Variants in ATP11A observed in about 807,000 individuals in gnomAD.
The protein encoded by ATP11A is phospholipid-transporting ATPase IH.
Under a neutral mutation model 154.4 loss-of-function variants are expected in ATP11A, and 81 were observed. The observed-to-expected ratio is 0.52, with a 90% confidence interval of 0.44 to 0.63. ATP11A has a LOEUF of 0.63. Among genes scored for constraint, ATP11A ranks in the 30% least tolerant of loss-of-function variants. The probability of loss-of-function intolerance (pLI) is 0.00; values close to 1 mark genes in which losing one functional copy is unlikely to be tolerated. For missense variants in ATP11A, 1,316 were observed against 1,474.3 expected (o/e 0.89, Z 1.76); for synonymous variants, 623 against 585.9 (o/e 1.06, Z -0.91).
chr13:112,774,377 G>A (rs1034356953), intron 1 of ATP11A, among the ~76,000 whole-genome samples: 2 of 152,072 alleles, frequency 1.3e-5, no homozygotes, highest in African/African-American at 4.8e-5. Flanking sequence ...TGTCTTCCTG[G>A]GTGACGCCCT....
chr13:112,776,122 G>A lies in ATP11A; in HGVS notation c.40-9013G>A, dbSNP rs368007638. Among the ~76,000 whole-genome samples the A allele has an allele frequency of 8.7e-4, 133 of 152,298 alleles. 1 individual carries two copies. The highest frequency in any genetic ancestry group is 2.9e-3 in the African/African-American group (120 of 41,556). ...GCTGCTGCTTGTTCCAGTGGCTGTC[G>A]TTTGTTTCCACGGGGATTCATGTTG... On this transcript the variant is annotated intron_variant, in intron 1 of 29. Coordinates refer to ENST00000375645, the MANE Select transcript of ATP11A (RefSeq NM_015205.3).
chr13:112,862,518 GTTC>G lies in ATP11A; in HGVS notation c.2940_2942del (p.Phe981del), dbSNP rs746580469. The G allele has an allele frequency of 3.1e-6, 5 of 1,614,208 alleles. No individual in the cohort carries two copies. The highest frequency in any genetic ancestry group is 2.2e-5 in the East Asian group (1 of 44,892). ...TCCTGGGACTGTTTGACGCACTGGT[GTTC>G]TTCTTTGGTGCTTATTTCGTGTTTG... is the stretch of plus-strand genomic sequence containing the variant. On this transcript the variant is annotated inframe_deletion, in exon 25 of 30. Coordinates refer to ENST00000375645, the MANE Select transcript of ATP11A (RefSeq NM_015205.3).
chr13:112,845,911 T>C (rs2079593375), intron 17 of ATP11A, among the ~76,000 whole-genome samples: 1 of 152,216 alleles, frequency 6.6e-6, no homozygotes, highest in Non-Finnish European at 1.5e-5. Flanking sequence ...TAGTTCTTTC[T>C]ACGGATGGAC....
intron 15 of ATP11A, among the ~76,000 whole-genome samples, chr13:112,835,800 G>A (rs1332346554): frequency 1.3e-5 from 2 of 152,260 alleles, no homozygotes; most frequent in African/African-American, 4.8e-5. Flanking sequence ...GGTAACGCCA[G>A]TTCATTGACA....
chr13:112,788,859 C>T (rs1425021079), intron 2 of ATP11A, among the ~76,000 whole-genome samples: 2 of 151,708 alleles, frequency 1.3e-5, no homozygotes, highest in Non-Finnish European at 2.9e-5. Flanking sequence ...ACTTAATTCA[C>T]ACCCGGCATC....
intron 29 of ATP11A, among the ~76,000 whole-genome samples, chr13:112,879,017 G>A (rs550367204): frequency 8.5e-5 from 13 of 152,270 alleles, no homozygotes; most frequent in African/African-American, 1.2e-4. Flanking sequence ...ATGTAGAGGC[G>A]TTCACACGCC....
chr13:112,758,166 A>G (rs1276176467), intron 1 of ATP11A, among the ~76,000 whole-genome samples: 1 of 152,044 alleles, frequency 6.6e-6, no homozygotes, highest in African/African-American at 2.4e-5. Context: ...GGTTCAAGCA[A>G]TTCTCCTGCC....
intron 25 of ATP11A, among the ~76,000 whole-genome samples, chr13:112,864,131 C>T (rs1279268167): frequency 1.0e-5 from 1 of 96,744 alleles, no homozygotes; most frequent in African/African-American, 3.7e-5. Context: ...CAGTGCAGCA[C>T]GTGCAGCTTC....
chr13:112,707,523 G>C lies in ATP11A; in HGVS notation c.39+17068G>C, dbSNP rs1238068417. 2.6e-5 allele frequency among the ~76,000 whole-genome samples: 4 copies of C among 152,094 alleles called. No individual in the cohort carries two copies. The East Asian group carries it at 7.7e-4, about 29-fold the overall frequency. On this transcript the variant is annotated intron_variant, in intron 1 of 29. Coordinates refer to ENST00000375645, the MANE Select transcript of ATP11A (RefSeq NM_015205.3). The stretch of plus-strand genomic sequence containing the variant: ...GGAAGTTGACAACGACCAACTGAGA[G>C]CAGTCATTGAAGCCGATCCTCTTAA...
In ATP11A at chr13:112,780,579, C is replaced by T. The variant is rs1225281031; in HGVS notation, c.40-4556C>T. Among the ~76,000 whole-genome samples, 7 of 152,270 alleles carry T rather than the reference C, an allele frequency of 4.6e-5. No individual in the cohort carries two copies. In the East Asian group the frequency reaches 7.7e-4, roughly 17 times the overall value. ...CTTTGTCTTCCATGAACAGCGCAGC[C>T]GTGAACCTTCTCGCCGAATTTTTTG... is the stretch of plus-strand genomic sequence containing the variant. On this transcript the variant is annotated intron_variant, in intron 1 of 29. Transcript: ENST00000375645.
intron 4 of ATP11A, 22 bp from the exon 5 acceptor site, chr13:112,810,597 C>A: frequency 6.3e-7 from 1 of 1,597,668 alleles, no homozygotes; most frequent in Non-Finnish European, 8.6e-7. Context: ...TCCTCTCTCC[C>A]TTCTTTCCTT....
chr13:112,832,688 G>A (rs888798707), intron 13 of ATP11A, among the ~76,000 whole-genome samples, 172 bp from the exon 14 acceptor site: 2 of 152,164 alleles, frequency 1.3e-5, no homozygotes, highest in East Asian at 1.9e-4. Flanking sequence ...GCTTGAGAAC[G>A]ATGGAAAGCT....
intron 1 of ATP11A, among the ~76,000 whole-genome samples, chr13:112,778,675 A>AGTGAGTAGCCG (rs2077410010): frequency 2.5e-5 from 1 of 39,678 alleles, no homozygotes. Context: ...AGGAGTAGCC[A>AGTGAGTAGCCG]CTGGAGTGAG....
rs1315014417 is a variant in ATP11A at position 112,884,438 on chromosome 13, C to T, written c.*2572C>T. On this transcript the variant is annotated 3_prime_UTR_variant, in exon 30 of 30. Transcript: ENST00000375645. Reference sequence around the variant, plus strand: ...CACTAAACTTTTACACACTCCCAAACGTCTTTTTAAAAATTGCTTGGGAAA... The same window carrying T: ...CACTAAACTTTTACACACTCCCAAATGTCTTTTTAAAAATTGCTTGGGAAA... 1 of 152,388 alleles carries T rather than the reference C, an allele frequency of 6.6e-6. No homozygotes were observed. The highest frequency in any genetic ancestry group is 2.4e-5 in the African/African-American group (1 of 41,416). 9.4% of individuals were successfully genotyped at this position (152,388 alleles called of 1,614,324 possible).
intron 1 of ATP11A, among the ~76,000 whole-genome samples, chr13:112,776,379 T>G (rs2139977552): frequency 6.6e-6 from 1 of 152,276 alleles, no homozygotes; most frequent in African/African-American, 2.4e-5. Context: ...CTTTCCATGC[T>G]TTATTAACGG....
intron 1 of ATP11A, among the ~76,000 whole-genome samples, chr13:112,727,397 ATATT>A (rs1889998036): frequency 2.0e-5 from 3 of 152,190 alleles, no homozygotes; most frequent in Non-Finnish European, 4.4e-5. Context: ...CAAGTTTACT[ATATT>A]TATTTACTTT....
chr13:112,817,172 G>C (rs11617054), intron 6 of ATP11A, among the ~76,000 whole-genome samples: 26,536 of 152,198 alleles, frequency 0.17, 2,441 homozygotes, highest in Non-Finnish European at 0.19. Context: ...AGGAGTTTAT[G>C]AAAGTGAGCA....
chr13:112,718,245 A>G (rs900952790), intron 1 of ATP11A, among the ~76,000 whole-genome samples: 1 of 152,232 alleles, frequency 6.6e-6, no homozygotes, highest in Admixed American at 6.5e-5. Flanking sequence ...GATAAAAAGC[A>G]TAAAAACAAT....
At chr13:112,779,124 GTAGCCGCTGGAGTGA>G (rs2077429206) in intron 1 of ATP11A, among the ~76,000 whole-genome samples, 1 of 37,096 alleles carries the variant, frequency 2.7e-5, no homozygotes, top group African/African-American at 1.9e-4. Context: ...ACTGGAGTGA[GTAGCCGCTGGAGTGA>G]GTAGCCGCTG....
Sources: gnomAD v4.1 joint callset for allele counts (sites outside exome capture counted in the v4.1 genomes callset) on GRCh38, gnomAD v4.1.1 for gene constraint, MANE v1.5 for transcripts, NCBI Gene and HGNC (gene_info 2026-07-23, HGNC 2026-07-21) for gene names.